The following SNTG2 variants were observed in gnomAD, a reference collection of about 807,000 sequenced individuals.
The protein encoded by SNTG2 is gamma-2-syntrophin.
SNTG2 carries 74 observed loss-of-function variants against 70.9 expected under a neutral mutation model. The observed-to-expected ratio is 1.04, with a 90% CI of 0.86 to 1.27. SNTG2 has a LOEUF of 1.27. Among genes scored for constraint, SNTG2 ranks in the 50% most tolerant of loss-of-function variants. The pLI, the probability that SNTG2 is intolerant of heterozygous loss-of-function variation, is 0.00. For synonymous variants in SNTG2, 278 were observed against 273.8 expected, an observed-to-expected ratio of 1.02 and a Z score of -0.15; for missense variants, 717 against 690.7, an observed-to-expected ratio of 1.04 and a Z score of -0.43.
intron 2 of SNTG2, among the ~76,000 whole-genome samples, chr2:1,093,439 AAGTTCC>A (rs1349270149): frequency 1.3e-5 from 2 of 152,188 alleles, no homozygotes; most frequent in Admixed American, 1.3e-4. Context: ...GCTGTGTGAA[AAGTTCC>A]AGTTAGAAGC....
chr2:1,280,673 C>T (rs66902281), intron 14 of SNTG2, among the ~76,000 whole-genome samples: 23,877 of 152,206 alleles, frequency 0.16, 2,846 homozygotes, highest in African/African-American at 0.34. Context: ...CTTAAATCCT[C>T]TCTGTAGTGT....
At chr2:1,281,772 T>G (rs1263680714) in intron 14 of SNTG2, among the ~76,000 whole-genome samples, 3 of 152,086 alleles carry the variant, frequency 2.0e-5, no homozygotes, top group Non-Finnish European at 4.4e-5. Flanking sequence ...AAATGGTGAT[T>G]TAGTTCACAG....
chr2:987,482 G>A (rs1661362789), intron 1 of SNTG2, among the ~76,000 whole-genome samples: 1 of 151,974 alleles, frequency 6.6e-6, no homozygotes, highest in Non-Finnish European at 1.5e-5. Context: ...AGGATTGTCA[G>A]CGTCAGAGGA....
intron 1 of SNTG2, among the ~76,000 whole-genome samples, chr2:993,805 C>T (rs1356903050): frequency 1.3e-5 from 2 of 151,936 alleles, no homozygotes; most frequent in African/African-American, 4.8e-5. Flanking sequence ...TAATTATTTG[C>T]CATTTGTATA....
At chr2:1,318,969 C>T (rs1171191929) in intron 16 of SNTG2, among the ~76,000 whole-genome samples, 1 of 152,182 alleles carries the variant, frequency 6.6e-6, no homozygotes, top group Non-Finnish European at 1.5e-5. Context: ...ATCTGAAACA[C>T]CCTTTTGACA....
chr2:1,340,127 C>CA (rs1255703972), intron 16 of SNTG2, among the ~76,000 whole-genome samples: 7 of 152,320 alleles, frequency 4.6e-5, no homozygotes, highest in Admixed American at 6.5e-5. Flanking sequence ...CTCCTCCCCA[C>CA]AAAAAACTGG....
intron 16 of SNTG2, among the ~76,000 whole-genome samples, chr2:1,317,538 GCCAGCA>G: frequency 7.9e-6 from 1 of 126,656 alleles, no homozygotes; most frequent in Non-Finnish European, 1.7e-5. Context: ...TTAGCATCAG[GCCAGCA>G]TTGGAGAAGG....
At chr2:1,151,775 G>A (rs1048493320) in intron 6 of SNTG2, among the ~76,000 whole-genome samples, 1 of 152,188 alleles carries the variant, frequency 6.6e-6, no homozygotes, top group African/African-American at 2.4e-5. Flanking sequence ...GAGCACAGCT[G>A]CTCACACTCT....
At chr2:1,133,125 C>T (rs553978008) in intron 4 of SNTG2, among the ~76,000 whole-genome samples, 9 of 152,258 alleles carry the variant, frequency 5.9e-5, no homozygotes, top group East Asian at 1.9e-4. Context: ...GGTTTAAATA[C>T]GTCCATAAGG....
Position 1,221,479 on chromosome 2 carries a change from C to CTCTGTCTCTCTCTGTCTCTCTCTG in SNTG2, c.719+12252_719+12253insGTCTCTCTCTGTCTCTCTCTGTCT, listed in dbSNP as rs1674840654. Among the ~76,000 whole-genome samples, 2 of 7,790 alleles carry CTCTGTCTCTCTCTGTCTCTCTCTG rather than the reference C, an allele frequency of 2.6e-4. 1 individual carries two copies. Among genetic ancestry groups the CTCTGTCTCTCTCTGTCTCTCTCTG allele is most frequent in the Non-Finnish European group, 4.2e-4 (2 of 4,768 alleles). 5.1% of individuals were successfully genotyped at this position (7,790 alleles called of 152,430 possible). A position where few individuals can be genotyped will look rare whatever the true frequency, so the allele number is the denominator to read the frequency against. ...TCTCTGTCTCTGTCTCTCTGTCTCT[C>CTCTGTCTCTCTCTGTCTCTCTCTG]TCTCTCTCTGTCTCTCTCTGTCTCT... On this transcript the variant is annotated intron_variant, in intron 9 of 16. Transcript: ENST00000308624.
intron 1 of SNTG2, among the ~76,000 whole-genome samples, chr2:1,048,010 T>C (rs1661834482): frequency 6.6e-6 from 1 of 152,218 alleles, no homozygotes; most frequent in Non-Finnish European, 1.5e-5. Flanking sequence ...TTCTTATGAT[T>C]ATTTATCCAT....
intron 9 of SNTG2, among the ~76,000 whole-genome samples, chr2:1,233,054 TC>T (rs1676367343): frequency 6.6e-6 from 1 of 152,258 alleles, no homozygotes; most frequent in African/African-American, 2.4e-5. Flanking sequence ...CCACCAGCCA[TC>T]ATTTATGGAT....
At chr2:1,066,521 A>T (rs1663165142) in intron 1 of SNTG2, among the ~76,000 whole-genome samples, 1 of 151,750 alleles carries the variant, frequency 6.6e-6, no homozygotes, top group African/African-American at 2.4e-5. Context: ...ACCGGCACAG[A>T]CCACCGGACA....
chr2:967,098 A>G (rs182942396), intron 1 of SNTG2, among the ~76,000 whole-genome samples: 226 of 152,366 alleles, frequency 1.5e-3, no homozygotes, highest in African/African-American at 5.2e-3. Flanking sequence ...AATTGTCACT[A>G]GTCAAAAATA....
chr2:1,103,132 C>A (rs568438018), intron 4 of SNTG2, among the ~76,000 whole-genome samples: 5 of 152,024 alleles, frequency 3.3e-5, no homozygotes, highest in Non-Finnish European at 4.4e-5. Context: ...GCTGGGAGGT[C>A]GAGATAGGTC....
intron 2 of SNTG2, among the ~76,000 whole-genome samples, chr2:1,093,584 A>G (rs1229625689): frequency 6.6e-6 from 1 of 152,274 alleles, no homozygotes; most frequent in Non-Finnish European, 1.5e-5. Context: ...GTTCATTTCT[A>G]AAAGTGTGAA....
intron 16 of SNTG2, among the ~76,000 whole-genome samples, chr2:1,334,694 G>C (rs1659709827): frequency 6.6e-6 from 1 of 152,154 alleles, no homozygotes; most frequent in African/African-American, 2.4e-5. Flanking sequence ...CTCAGGAATG[G>C]AAAACCAAAT....
chr2:1,265,321 G>A (rs916277163), intron 13 of SNTG2, among the ~76,000 whole-genome samples: 6 of 152,146 alleles, frequency 3.9e-5, no homozygotes, highest in African/African-American at 1.2e-4. Flanking sequence ...GGTTAGCAAC[G>A]TATGCACACT....
chr2:1,281,388 GGTGTGTGTTTATGTGGTGTGTT>G (rs1679525577), intron 14 of SNTG2, among the ~76,000 whole-genome samples: 2 of 47,218 alleles, frequency 4.2e-5, no homozygotes, highest in Non-Finnish European at 4.5e-5. Context: ...TGTGGTGTGT[GGTGTGTGTTTATGTGGTGTGTT>G]GTGTGTGTGT....
Sources: gnomAD v4.1 joint callset for allele counts (sites outside exome capture counted in the v4.1 genomes callset) on GRCh38, gnomAD v4.1.1 for gene constraint, MANE v1.5 for transcripts, NCBI Gene and HGNC (gene_info 2026-07-23, HGNC 2026-07-21) for gene names.